Variants in BCKDHB observed in about 807,000 individuals in gnomAD.
BCKDHB encodes the protein 2-oxoisovalerate dehydrogenase subunit beta, mitochondrial.
BCKDHB carries 41 observed loss-of-function variants against 48.5 expected under a neutral mutation model. The ratio of observed to expected loss-of-function variants is 0.85; its 90% CI spans 0.66 to 1.10. BCKDHB has a LOEUF of 1.10. BCKDHB is among the 50% of genes least tolerant of loss of function. The pLI is 0.00. For synonymous variants in BCKDHB, 201 were observed against 174.8 expected (o/e 1.15, Z -1.18); for missense variants, 496 against 494.2 (o/e 1.00, Z -0.03).
intron 9 of BCKDHB, among the ~76,000 whole-genome samples, chr6:80,304,653 G>A (rs964680006): frequency 6.6e-6 from 1 of 152,104 alleles, no homozygotes. Context: ...ACACAAAACT[G>A]TAAATCAATC....
At chr6:80,370,312 A>G in the BCKDHB span, among the ~76,000 whole-genome samples, 1 of 152,230 alleles carries the variant, frequency 6.6e-6, no homozygotes, top group Non-Finnish European at 1.5e-5. Context: ...AAGAGAGGGC[A>G]TCCATCTATT....
chr6:80,399,756 T>A, the BCKDHB span, among the ~76,000 whole-genome samples: 15,765 of 152,064 alleles, frequency 0.1, 2,367 homozygotes, highest in African/African-American at 0.33. Flanking sequence ...TTTAAAATTC[T>A]TAGGGAACCA....
At chr6:80,140,972 C>T (rs1771174979) in intron 3 of BCKDHB, among the ~76,000 whole-genome samples, 3 of 152,178 alleles carry the variant, frequency 2.0e-5, no homozygotes, top group Admixed American at 2.0e-4. Context: ...ATTATTGCCA[C>T]AATTTCAGCT....
chr6:80,164,906 C>T (rs562784040), intron 3 of BCKDHB, among the ~76,000 whole-genome samples: 1 of 152,242 alleles, frequency 6.6e-6, no homozygotes, highest in East Asian at 1.9e-4. Flanking sequence ...GTGCTCTTCT[C>T]CTCAATCAGT....
At chr6:80,215,611 A>G (rs560963794) in intron 8 of BCKDHB, among the ~76,000 whole-genome samples, 1 of 152,294 alleles carries the variant, frequency 6.6e-6, no homozygotes, top group African/African-American at 2.4e-5. Flanking sequence ...AGAACTGGTA[A>G]ATCCTCTAGG....
chr6:80,409,045 T>A, the BCKDHB span, among the ~76,000 whole-genome samples: 1 of 152,202 alleles, frequency 6.6e-6, no homozygotes, highest in Non-Finnish European at 1.5e-5. Flanking sequence ...GTGCTTTAAA[T>A]GTGTCCCAGA....
chr6:80,324,285 T>C (rs556622508), intron 9 of BCKDHB, among the ~76,000 whole-genome samples: 1 of 152,272 alleles, frequency 6.6e-6, no homozygotes, highest in East Asian at 1.9e-4. Flanking sequence ...AAATAAGACT[T>C]TCTGTAGGTG....
the BCKDHB span, among the ~76,000 whole-genome samples, chr6:80,360,089 A>G: frequency 6.6e-6 from 1 of 152,178 alleles, no homozygotes; most frequent in Non-Finnish European, 1.5e-5. Context: ...TAGGGATGAC[A>G]AGACATTGGG....
At chr6:80,110,229 G>C (rs9361584) in intron 1 of BCKDHB, among the ~76,000 whole-genome samples, 55,817 of 151,982 alleles carry the variant, frequency 0.37, 12,256 homozygotes, top group Admixed American at 0.56. Context: ...GCATTGTATG[G>C]ATGTGAGTTT....
chr6:80,315,757 T>A (rs1768415555), intron 9 of BCKDHB, among the ~76,000 whole-genome samples: 1 of 152,176 alleles, frequency 6.6e-6, no homozygotes, highest in Non-Finnish European at 1.5e-5. Flanking sequence ...GTGCTGGGAC[T>A]ACATGCATGA....
At chr6:80,175,764 G>T (rs1194403942) in intron 6 of BCKDHB, among the ~76,000 whole-genome samples, 1 of 152,164 alleles carries the variant, frequency 6.6e-6, no homozygotes, top group African/African-American at 2.4e-5. Flanking sequence ...TTTGATTGGA[G>T]ACCAAAACTA....
rs531909218 is a variant in BCKDHB, at chr6:80,276,198, G to A, written c.1038+2977G>A. On this transcript the variant is annotated intron_variant, in intron 9 of 9. Coordinates refer to ENST00000320393, the MANE Select transcript of BCKDHB (RefSeq NM_183050.4). ...TTTGCTCCACAGGCGATTTTTGATAGAAGATATCTGGTAGCTTTTTAAAAG... is the reference window on the plus strand; with the variant it reads ...TTTGCTCCACAGGCGATTTTTGATAAAAGATATCTGGTAGCTTTTTAAAAG... 8.5e-5 allele frequency among the ~76,000 whole-genome samples: 13 copies of A among 152,062 alleles called. No individual in the cohort carries two copies. In the East Asian group the frequency reaches 2.5e-3, roughly 29 times the overall value.
chr6:80,371,983 A>G, the BCKDHB span, among the ~76,000 whole-genome samples: 79 of 151,998 alleles, frequency 5.2e-4, 1 homozygote, highest in Middle Eastern at 6.8e-3. Context: ...TTGGTTCCAT[A>G]TGAATTTTGG....
At chr6:80,296,267 A>G (rs1167851106) in intron 9 of BCKDHB, among the ~76,000 whole-genome samples, 3 of 152,222 alleles carry the variant, frequency 2.0e-5, no homozygotes, top group East Asian at 3.8e-4. Flanking sequence ...TTAAAACAAG[A>G]CAACAATTGT....
chr6:80,323,835 C>G (rs1304186388), intron 9 of BCKDHB, among the ~76,000 whole-genome samples: 3 of 152,176 alleles, frequency 2.0e-5, no homozygotes, highest in Non-Finnish European at 1.5e-5. Flanking sequence ...TGCAGTGGCG[C>G]CATCTTGGCT....
chr6:80,461,921 G>C, the BCKDHB span, among the ~76,000 whole-genome samples: 3 of 151,816 alleles, frequency 2.0e-5, no homozygotes, highest in African/African-American at 7.3e-5. Context: ...GAGAAGAACT[G>C]CCTTTAATCA....
intron 9 of BCKDHB, among the ~76,000 whole-genome samples, chr6:80,321,596 C>T (rs1768724663): frequency 6.6e-6 from 1 of 152,096 alleles, no homozygotes; most frequent in Non-Finnish European, 1.5e-5. Flanking sequence ...TCAACATGCC[C>T]ATAACTTATT....
chr6:80,204,276 T>C lies in BCKDHB; in HGVS notation c.951+1064T>C, dbSNP rs139031585. Among the ~76,000 whole-genome samples the C allele has an allele frequency of 1.3e-3, 191 of 152,236 alleles. 2 individuals are homozygous for C. Among genetic ancestry groups the C allele is most frequent in the Admixed American group, 9.1e-3 (139 of 15,264 alleles). The stretch of plus-strand genomic sequence containing the variant: ...TTAGTAGAAGATGTAAGATTTGTTA[T>C]AGTAAATGTTTGTGAAGACTCACTT... On this transcript the variant is annotated intron_variant, in intron 8 of 9. Transcript: ENST00000320393.
chr6:80,334,637 TAA>T (rs5877702), intron 9 of BCKDHB, among the ~76,000 whole-genome samples: 99,463 of 149,554 alleles, frequency 0.67, 33,080 homozygotes, highest in East Asian at 0.75. Context: ...GATTAACTGT[TAA>T]AAAAAAAAAA....
Sources: gnomAD v4.1 joint callset for allele counts (sites outside exome capture counted in the v4.1 genomes callset) on GRCh38, gnomAD v4.1.1 for gene constraint, MANE v1.5 for transcripts, NCBI Gene and HGNC (gene_info 2026-07-23, HGNC 2026-07-21) for gene names.